Variants in PLEKHA8 observed in about 807,000 individuals in gnomAD.
PLEKHA8 encodes the protein pleckstrin homology domain containing A8.
A neutral mutation model predicts 68.2 loss-of-function variants in PLEKHA8; 36 were observed. That is an observed-to-expected ratio of 0.53 (90% CI 0.40 to 0.70). PLEKHA8 has a LOEUF of 0.70. Among genes scored for constraint, PLEKHA8 ranks in the 30% least tolerant of loss-of-function variants. The pLI, the probability that PLEKHA8 is intolerant of heterozygous loss-of-function variation, is 0.00. For missense variants in PLEKHA8, 505 were observed against 615.4 expected, an observed-to-expected ratio of 0.82 and a Z score of 1.90; for synonymous variants, 211 against 216.1, an observed-to-expected ratio of 0.98 and a Z score of 0.20.
Position 30,099,269 on chromosome 7 carries a change from C to T in PLEKHA8, c.1362+25137C>T, listed in dbSNP as rs1009846703. Among the ~76,000 whole-genome samples the T allele has an allele frequency of 5.9e-5, 9 of 152,292 alleles. No individual in the cohort carries two copies. In the East Asian group the frequency reaches 9.6e-4, roughly 16 times the overall value. On this transcript the variant is annotated intron_variant, in intron 13 of 13. Coordinates refer to the PLEKHA8 transcript ENST00000396257. ...AAACACCACAAACAATGAATACCTGCGGTATCCAAGTCACCAATTAGATGC... is the reference window on the plus strand; with the variant it reads ...AAACACCACAAACAATGAATACCTGTGGTATCCAAGTCACCAATTAGATGC...
intron 13 of PLEKHA8, chr7:30,116,041 C>A (rs951558307): frequency 6.7e-6 from 1 of 148,430 alleles, no homozygotes; most frequent in African/African-American, 2.5e-5. Flanking sequence ...TACATGTGCG[C>A]ATACGCATAC....
rs867756942 is a variant in PLEKHA8 at position 30,028,442 on chromosome 7, G to T, written c.-321G>T. Reference sequence around the variant, plus strand: ...GCCGTGGCGCCGCCTGCGACCGGCAGCTCGTTCGCCGCACTTTGGAGGCTT... The same window carrying T: ...GCCGTGGCGCCGCCTGCGACCGGCATCTCGTTCGCCGCACTTTGGAGGCTT... On this transcript the variant is annotated 5_prime_UTR_variant, in exon 1 of 14. Transcript: ENST00000449726. 37 of 286,352 alleles carry T rather than the reference G, an allele frequency of 1.3e-4. 1 individual carries two copies. The highest frequency in any genetic ancestry group is 7.7e-4 in the African/African-American group (35 of 45,604). The allele number at this position is 286,352 out of a possible 1,614,324, so 17.7% of individuals were successfully genotyped here.
At chr7:30,099,095 T>C (rs936248150) in intron 13 of PLEKHA8, among the ~76,000 whole-genome samples, 1 of 152,212 alleles carries the variant, frequency 6.6e-6, no homozygotes, top group Non-Finnish European at 1.5e-5. Context: ...TTTTTATTTT[T>C]ATAAAGTACT....
At chr7:30,059,475 A>G (rs1244867778) in intron 9 of PLEKHA8, among the ~76,000 whole-genome samples, 1 of 152,030 alleles carries the variant, frequency 6.6e-6, no homozygotes, top group East Asian at 1.9e-4. Context: ...TTCATTCATT[A>G]TCTTGGTATT....
chr7:30,108,025 C>T (rs553193138), intron 13 of PLEKHA8, among the ~76,000 whole-genome samples: 53 of 139,114 alleles, frequency 3.8e-4, no homozygotes, highest in East Asian at 3.8e-3. Context: ...GCAGAGATCG[C>T]GCTATTGCAC....
Position 30,083,096 on chromosome 7 carries a change from T to C in PLEKHA8, c.*4309T>C. On this transcript the variant is annotated 3_prime_UTR_variant, in exon 14 of 14. Transcript: ENST00000449726. The stretch of plus-strand genomic sequence containing the variant: ...TTAGATGTAGAGTTTATAAGTAAAA[T>C]ATATTTTTAGCCATTGTTCTGTTAG... The C allele has an allele frequency of 1.0e-6, 1 of 983,954 alleles. No homozygotes were observed. 61.0% of individuals were successfully genotyped at this position (983,954 alleles called of 1,614,324 possible). A position where few individuals can be genotyped will look rare whatever the true frequency, so the allele number is the denominator to read the frequency against.
downstream of PLEKHA8, chr7:30,090,792 A>G (rs1795384864): frequency 4.2e-6 from 1 of 236,046 alleles, no homozygotes; most frequent in Non-Finnish European, 6.9e-6. Context: ...AATACGAGCC[A>G]ATTAGCTGAA....
rs1261663204 is a variant in PLEKHA8, at chr7:30,083,790, A to G, written c.*5003A>G. On this transcript the variant is annotated 3_prime_UTR_variant, in exon 14 of 14. Transcript: ENST00000449726. The stretch of plus-strand genomic sequence containing the variant: ...ATCCTGCTTGTTCTAAATAGTTCAT[A>G]TATTTAAAGTGTGGTCAGTATTTCC... 2 of 985,082 alleles carry G rather than the reference A, an allele frequency of 2.0e-6. No individual in the cohort carries two copies. Among genetic ancestry groups the G allele is most frequent in the Non-Finnish European group, 2.4e-6 (2 of 829,744 alleles). 61.0% of individuals were successfully genotyped at this position (985,082 alleles called of 1,614,324 possible).
Position 30,081,783 on chromosome 7 carries a change from A to T in PLEKHA8, c.*2996A>T. 2.0e-6 allele frequency: 2 copies of T among 985,398 alleles called. No homozygotes were observed. The highest frequency in any genetic ancestry group is 9.4e-5 in the South Asian group (2 of 21,284). The allele number at this position is 985,398 out of a possible 1,614,324, so 61.0% of individuals were successfully genotyped here. A position where few individuals can be genotyped will look rare whatever the true frequency, so the allele number is the denominator to read the frequency against. ...ATAAGTAACATTAGGCTAACCCCTT[A>T]TGAGACATTTCCACACAATTTCATC... On this transcript the variant is annotated 3_prime_UTR_variant, in exon 14 of 14. Coordinates refer to ENST00000449726, the MANE Select transcript of PLEKHA8 (RefSeq NM_001197026.2).
chr7:30,082,029 T>G lies in PLEKHA8; in HGVS notation c.*3242T>G. 1.1e-6 allele frequency: 1 copy of G among 950,762 alleles called. No homozygotes were observed. Among genetic ancestry groups the G allele is most frequent in the African/African-American group, 1.8e-5 (1 of 56,558 alleles). 58.9% of individuals were successfully genotyped at this position (950,762 alleles called of 1,614,324 possible). On this transcript the variant is annotated 3_prime_UTR_variant, in exon 14 of 14. Transcript: ENST00000449726. ...TAACTATGAGGAGAAGATGGTCTTC[T>G]CATTGGCTCTTGATGTAGCTCTGAA... is the stretch of plus-strand genomic sequence containing the variant.
At position 30,080,766 on chromosome 7, in the gene PLEKHA8, C is replaced by T; in HGVS notation, c.*1979C>T. The stretch of plus-strand genomic sequence containing the variant: ...CTCATGAGCAGTGAGTATAGATCTC[C>T]TTCTCTGATTAGTATGAATATGATG... On this transcript the variant is annotated 3_prime_UTR_variant, in exon 14 of 14. Transcript: ENST00000449726. 2 of 985,178 alleles carry T rather than the reference C, an allele frequency of 2.0e-6. No individual in the cohort carries two copies. Among genetic ancestry groups the T allele is most frequent in the Non-Finnish European group, 2.4e-6 (2 of 829,816 alleles). 61.0% of individuals were successfully genotyped at this position (985,178 alleles called of 1,614,324 possible).
intron 13 of PLEKHA8, among the ~76,000 whole-genome samples, chr7:30,101,782 G>T (rs1014813663): frequency 1.3e-5 from 2 of 152,164 alleles, no homozygotes; most frequent in African/African-American, 2.4e-5. Flanking sequence ...AAAGAAAAGA[G>T]CTATACCACA....
chr7:30,055,949 T>TC (rs1367558741), intron 9 of PLEKHA8, among the ~76,000 whole-genome samples: 2 of 150,342 alleles, frequency 1.3e-5, no homozygotes, highest in African/African-American at 4.9e-5. Flanking sequence ...TATTTTCTTT[T>TC]TTTTTTTTTT....
chr7:30,101,559 A>C (rs1795855626), intron 13 of PLEKHA8, among the ~76,000 whole-genome samples: 1 of 152,122 alleles, frequency 6.6e-6, no homozygotes, highest in Admixed American at 6.5e-5. Flanking sequence ...CATTCATGAG[A>C]GTCCTGCCTT....
At chr7:30,102,002 C>T (rs1795870699) in intron 13 of PLEKHA8, among the ~76,000 whole-genome samples, 2 of 152,172 alleles carry the variant, frequency 1.3e-5, no homozygotes, top group Non-Finnish European at 2.9e-5. Flanking sequence ...AGATAACCTA[C>T]AGAATGAGAG....
rs1466028011 is a variant in PLEKHA8 at position 30,055,269 on chromosome 7, T to C, written c.966T>C (p.Ile322=). 5 of 1,614,112 alleles carry C rather than the reference T, an allele frequency of 3.1e-6. No individual in the cohort carries two copies. In the South Asian group the frequency reaches 4.4e-5, roughly 14 times the overall value. The change falls in exon 9 of 14, where the codon ATT becomes ATC. Residue 322 remains isoleucine, a synonymous_variant. Coordinates refer to ENST00000449726, the MANE Select transcript of PLEKHA8 (RefSeq NM_001197026.2). ...FSTMNTSFSD[I]ELLEDSGIPT... ...CCAAATTATGTAGCTTTAGTGACAT[T>C]GAACTTCTGGAAGACAGTGGCATTC...
chr7:30,036,145 A>G (rs547678210), intron 1 of PLEKHA8, among the ~76,000 whole-genome samples: 37 of 152,188 alleles, frequency 2.4e-4, no homozygotes, highest in African/African-American at 7.0e-4. Flanking sequence ...AATCCCAGCT[A>G]CTTGGGAGGC....
Position 30,082,601 on chromosome 7 carries a change from C to T in PLEKHA8, c.*3814C>T. ...TCTTCTCCTTTTGGTTATTACTTTC[C>T]AAATATATTAACAAAAAGTTGATGC... On this transcript the variant is annotated 3_prime_UTR_variant, in exon 14 of 14. Coordinates refer to ENST00000449726, the MANE Select transcript of PLEKHA8 (RefSeq NM_001197026.2). 7 of 985,056 alleles carry T rather than the reference C, an allele frequency of 7.1e-6. No individual in the cohort carries two copies. The highest frequency in any genetic ancestry group is 8.4e-6 in the Non-Finnish European group (7 of 829,662). The allele number at this position is 985,056 out of a possible 1,614,324, so 61.0% of individuals were successfully genotyped here.
At chr7:30,063,211 C>T (rs1793577008) in intron 12 of PLEKHA8, among the ~76,000 whole-genome samples, 2 of 152,142 alleles carry the variant, frequency 1.3e-5, no homozygotes, top group African/African-American at 4.8e-5. Context: ...TGTGTGCGTC[C>T]CAGTTTCTAG....
Sources: gnomAD v4.1 joint callset for allele counts (sites outside exome capture counted in the v4.1 genomes callset) on GRCh38, gnomAD v4.1.1 for gene constraint, MANE v1.5 for transcripts, NCBI Gene and HGNC (gene_info 2026-07-23, HGNC 2026-07-21) for gene names.